RALA: variants seen among roughly 807,000 people sequenced by gnomAD.
RALA encodes ras-related protein Ral-A.
RALA carries 5 observed loss-of-function variants against 24.0 expected under a neutral mutation model. The ratio of observed to expected loss-of-function variants is 0.21; its 90% CI spans 0.11 to 0.44. The LOEUF (loss-of-function observed/expected upper bound fraction) is 0.44, where lower values mean the gene tolerates loss of function less well. RALA is among the 20% of genes least tolerant of loss of function. RALA has a pLI of 0.99. For synonymous variants in RALA, 77 were observed against 83.8 expected (o/e 0.92, Z 0.44); for missense variants, 95 against 241.2 (o/e 0.39, Z 4.01).
In RALA at chr7:39,664,785, T is replaced by A. The variant is rs1430983217; in HGVS notation, c.-37-21846T>A. 1.1e-4 allele frequency among the ~76,000 whole-genome samples: 17 copies of A among 151,232 alleles called. No homozygotes were observed. The South Asian group carries it at 3.3e-3, about 30-fold the overall frequency. Reference sequence around the variant, plus strand: ...ATGACATAGCCAGTCAAGGAAATCTTGAAAGAGTTGGTGGACGTGCCAAAA... The same window carrying A: ...ATGACATAGCCAGTCAAGGAAATCTAGAAAGAGTTGGTGGACGTGCCAAAA... On this transcript the variant is annotated intron_variant, in intron 1 of 4. Transcript: ENST00000005257.
chr7:39,654,991 C>T (rs1792073126), intron 1 of RALA, among the ~76,000 whole-genome samples: 1 of 152,230 alleles, frequency 6.6e-6, no homozygotes, highest in African/African-American at 2.4e-5. Context: ...TCAAGCAATC[C>T]TCCTGCTTTG....
intron 2 of RALA, among the ~76,000 whole-genome samples, chr7:39,688,579 ATT>A (rs34265657): frequency 3.8e-4 from 54 of 142,770 alleles, no homozygotes; most frequent in Admixed American, 1.5e-3. Context: ...CACATGCCTA[ATT>A]TTTTTTTTTT....
intron 1 of RALA, among the ~76,000 whole-genome samples, chr7:39,639,739 C>T (rs1002889322): frequency 2.2e-4 from 33 of 152,028 alleles, no homozygotes; most frequent in African/African-American, 7.7e-4. Context: ...CCAGTTCAGG[C>T]TCTTGGATGG....
chr7:39,669,278 C>G (rs1430564130), intron 1 of RALA, among the ~76,000 whole-genome samples: 1 of 152,080 alleles, frequency 6.6e-6, no homozygotes, highest in African/African-American at 2.4e-5. Context: ...ACTTGCTCAC[C>G]TATGAACCTA....
At chr7:39,675,526 G>A (rs983441872) in intron 1 of RALA, among the ~76,000 whole-genome samples, 5 of 152,232 alleles carry the variant, frequency 3.3e-5, no homozygotes, top group African/African-American at 4.8e-5. Context: ...GAGCCCAGGC[G>A]TTCAAGACCA....
intron 1 of RALA, among the ~76,000 whole-genome samples, chr7:39,640,901 CTCT>C (rs1430899336): frequency 1.3e-5 from 2 of 152,164 alleles, no homozygotes; most frequent in African/African-American, 4.8e-5. Flanking sequence ...TTTTTTTCCT[CTCT>C]TCTTCTACTT....
chr7:39,628,312 G>A (rs1791530233), intron 1 of RALA, among the ~76,000 whole-genome samples: 1 of 151,716 alleles, frequency 6.6e-6, no homozygotes, highest in African/African-American at 2.4e-5. Flanking sequence ...AACTACACTG[G>A]AGAGAGTACT....
chr7:39,692,991 C>T (rs1455162833), intron 3 of RALA, among the ~76,000 whole-genome samples: 1 of 152,168 alleles, frequency 6.6e-6, no homozygotes, highest in Non-Finnish European at 1.5e-5. Flanking sequence ...TTAGTTTAAC[C>T]ATTGTGGAAG....
intron 1 of RALA, among the ~76,000 whole-genome samples, chr7:39,661,498 G>A (rs1363116500): frequency 6.6e-6 from 1 of 152,200 alleles, no homozygotes; most frequent in Non-Finnish European, 1.5e-5. Context: ...TTCCAAATGG[G>A]AGAAATTGGC....
chr7:39,670,871 T>C (rs1792369129), intron 1 of RALA, among the ~76,000 whole-genome samples: 1 of 152,162 alleles, frequency 6.6e-6, no homozygotes, highest in Non-Finnish European at 1.5e-5. Context: ...TATTTTGATC[T>C]TTTAATAGAT....
At chr7:39,680,548 C>T (rs1184665268) in intron 1 of RALA, among the ~76,000 whole-genome samples, 2 of 150,864 alleles carry the variant, frequency 1.3e-5, no homozygotes, top group African/African-American at 4.9e-5. Context: ...TGCACTGTAG[C>T]CTGGGTGACA....
intron 1 of RALA, among the ~76,000 whole-genome samples, chr7:39,650,182 G>A (rs1451557355): frequency 6.6e-6 from 1 of 152,106 alleles, no homozygotes; most frequent in East Asian, 1.9e-4. Context: ...GAATGAGATC[G>A]GCATGAGTGG....
intron 1 of RALA, among the ~76,000 whole-genome samples, chr7:39,659,274 A>C (rs1792145026): frequency 6.6e-6 from 1 of 152,066 alleles, no homozygotes; most frequent in Admixed American, 6.5e-5. Context: ...AGTGAGAGAG[A>C]CTCTGTCTCA....
intron 1 of RALA, among the ~76,000 whole-genome samples, chr7:39,683,647 C>T (rs1382508969): frequency 1.3e-5 from 2 of 152,158 alleles, no homozygotes; most frequent in East Asian, 1.9e-4. Flanking sequence ...TTGGCAGAAG[C>T]TTCTTTTCCT....
chr7:39,686,494 A>G, intron 1 of RALA, 137 bp from the exon 2 acceptor site: 1 of 536,110 alleles, frequency 1.9e-6, no homozygotes, highest in East Asian at 3.0e-5. Context: ...CTAAGTGAGC[A>G]TACTTCATTT....
At chr7:39,661,482 C>T (rs1035604853) in intron 1 of RALA, among the ~76,000 whole-genome samples, 20 of 152,208 alleles carry the variant, frequency 1.3e-4, no homozygotes, top group African/African-American at 4.6e-4. Flanking sequence ...TGGGTAAATG[C>T]ACCCATTCCA....
intron 1 of RALA, among the ~76,000 whole-genome samples, chr7:39,638,576 G>A (rs1293058358): frequency 1.3e-5 from 2 of 152,144 alleles, no homozygotes; most frequent in Non-Finnish European, 2.9e-5. Context: ...CCAAGTAGCT[G>A]GGACCAGAAG....
rs754986765 is a variant in RALA, at chr7:39,707,770, A to G, written c.*1525A>G. 1 of 152,648 alleles carries G rather than the reference A, an allele frequency of 6.6e-6. No individual in the cohort carries two copies. Among genetic ancestry groups the G allele is most frequent in the Non-Finnish European group, 1.5e-5 (1 of 68,044 alleles). 9.5% of individuals were successfully genotyped at this position (152,648 alleles called of 1,614,324 possible). A position where few individuals can be genotyped will look rare whatever the true frequency, so the allele number is the denominator to read the frequency against. On this transcript the variant is annotated 3_prime_UTR_variant, in exon 5 of 5. Coordinates refer to ENST00000005257, the MANE Select transcript of RALA (RefSeq NM_005402.4). ...GGCTTTTTAGGAACTCACTCTTTAG[A>G]TATTTACATCCAGCTTCTCATGTTA... is the stretch of plus-strand genomic sequence containing the variant.
intron 1 of RALA, chr7:39,624,105 CA>C (rs987160171): frequency 1.3e-5 from 2 of 152,024 alleles, no homozygotes; most frequent in African/African-American, 2.4e-5. Context: ...GTCCGAAGGT[CA>C]CCCCGCACCT....
Sources: gnomAD v4.1 joint callset for allele counts (sites outside exome capture counted in the v4.1 genomes callset) on GRCh38, gnomAD v4.1.1 for gene constraint, MANE v1.5 for transcripts, NCBI Gene and HGNC (gene_info 2026-07-23, HGNC 2026-07-21) for gene names.